MEGF8: variants seen among roughly 807,000 people sequenced by gnomAD.
MEGF8 encodes multiple EGF like domains 8.
Under a neutral mutation model 302.9 loss-of-function variants are expected in MEGF8, and 156 were observed. That is an observed-to-expected ratio of 0.52 (90% CI 0.45 to 0.59). MEGF8 has a LOEUF of 0.59. Among genes scored for constraint, MEGF8 ranks in the 20% least tolerant of loss-of-function variants. The pLI is 0.00. For synonymous variants in MEGF8, 1,621 were observed against 1,660.5 expected (o/e 0.98, Z 0.58); for missense variants, 3,345 against 3,964.5 (o/e 0.84, Z 4.20).
rs2039414125 is a variant in MEGF8 at position 42,353,936 on chromosome 19, C to T, written c.3923C>T (p.Ala1308Val). ...GLSYCVWVVS[A>V]TEELQPCAPG... ...TCCTACTGTGTGTGGGTTGTCTCGG[C>T]CACTGAGGAGCTACAGCCCTGTGCT... Residue 1308 changes from alanine (A) to valine (V), a missense_variant, in exon 22 of 42, where the codon GCC becomes GTC. Physicochemically the swap from Ala to Val is moderately conservative, Grantham distance 64. Transcript: ENST00000251268. The surrounding 1 kb of genome is among the most constrained non-coding windows in gnomAD (Gnocchi z 6.1). The T allele has an allele frequency of 1.3e-6, 2 of 1,586,494 alleles. No individual in the cohort carries two copies. The highest frequency in any genetic ancestry group is 2.7e-5 in the African/African-American group (2 of 74,226).
In MEGF8 at chr19:42,375,821, AC is replaced by A; in HGVS notation, c.7589del (p.Pro2530GlnfsTer45). ...TGVHTVHIQP[P>X]PAPPPPPPPA... ...GCGTCCATACTGTACACATCCAGCC[AC>A]CCCCAGCCCCACCACCTCCACCACC... is the stretch of plus-strand genomic sequence containing the variant. On this transcript the variant is annotated frameshift_variant, in exon 42 of 42. Transcript: ENST00000251268. LOFTEE classifies it high-confidence loss of function. The surrounding 1 kb of genome is among the most constrained non-coding windows in gnomAD (Gnocchi z 7.1). The A allele has an allele frequency of 6.2e-7, 1 of 1,610,752 alleles. No individual in the cohort carries two copies. The highest frequency in any genetic ancestry group is 8.5e-7 in the Non-Finnish European group (1 of 1,179,310).
At chr19:42,366,061 G>A (rs959359195) in intron 35 of MEGF8, among the ~76,000 whole-genome samples, 3 of 152,110 alleles carry the variant, frequency 2.0e-5, no homozygotes, top group African/African-American at 7.2e-5. Flanking sequence ...CAGCCTGGGT[G>A]ACAGAGTGAG....
chr19:42,374,875 C>T (rs992131469), intron 41 of MEGF8, among the ~76,000 whole-genome samples: 1 of 152,116 alleles, frequency 6.6e-6, no homozygotes, highest in Non-Finnish European at 1.5e-5. Flanking sequence ...CCAGGGAAGG[C>T]CTAGGTGAGA....
At chr19:42,365,728 C>T (rs1256040482) in intron 35 of MEGF8, among the ~76,000 whole-genome samples, 1 of 137,394 alleles carries the variant, frequency 7.3e-6, no homozygotes, top group Admixed American at 7.8e-5. Flanking sequence ...GCCATTATTA[C>T]AGCACTGCAC....
chr19:42,353,081 C>T lies in MEGF8; in HGVS notation c.3504C>T (p.His1168=). The T allele has an allele frequency of 6.5e-7, 1 of 1,549,386 alleles. No homozygotes were observed. Among genetic ancestry groups the T allele is most frequent in the African/African-American group, 1.4e-5 (1 of 73,132 alleles). The part of the protein sequence containing the change: ...RCSRDCGCSF[H]SHCRKRGPGF... ...CCCGGGACTGTGGCTGCAGCTTCCA[C>T]AGCCACTGCCGCAAGCGGGGCCCTG... The change falls in exon 20 of 42, where the codon CAC becomes CAT. Residue 1168 remains histidine (H), a synonymous_variant. Transcript: ENST00000251268. This position sits in a 1 kb window ranked among gnomAD's most constrained non-coding sequence, Gnocchi z 6.1.
chr19:42,338,236 T>G (rs1403490610), intron 8 of MEGF8, among the ~76,000 whole-genome samples: 3 of 148,780 alleles, frequency 2.0e-5, no homozygotes, highest in Non-Finnish European at 4.5e-5. Context: ...AACAGGTAGG[T>G]TTTTTTTTTG....
At position 42,344,519 on chromosome 19, in the gene MEGF8, G is replaced by A; in HGVS notation, c.1867G>A (p.Ala623Thr). The change falls in exon 11 of 42, where the codon GCC becomes ACC. Residue 623 changes from alanine (A) to threonine (T), a missense_variant. Transcript: ENST00000251268. The surrounding 1 kb of genome is among the most constrained non-coding windows in gnomAD (Gnocchi z 4.5). ...CTGCCTGGCCTTCAGCAGCCCCACA[G>A]CCCCTCCACGGGGACCTGGCACCCT... ...QACLAFSSPT[A>T]PPRGPGTLGW... The A allele has an allele frequency of 6.3e-7, 1 of 1,599,750 alleles. No individual in the cohort carries two copies. Among genetic ancestry groups the A allele is most frequent in the South Asian group, 1.1e-5 (1 of 90,966 alleles).
At chr19:42,339,539 C>T (rs1167701625) in intron 8 of MEGF8, among the ~76,000 whole-genome samples, 4 of 152,020 alleles carry the variant, frequency 2.6e-5, no homozygotes, top group African/African-American at 9.7e-5. Flanking sequence ...CTGTTCATGT[C>T]CTTTGTCTAC....
chr19:42,371,262 G>A, intron 40 of MEGF8, 88 bp from the exon 41 acceptor site: 1 of 1,514,160 alleles, frequency 6.6e-7, no homozygotes, highest in Non-Finnish European at 8.9e-7. Flanking sequence ...CTTCTGGCCT[G>A]TTGCACAGAG....
intron 12 of MEGF8, among the ~76,000 whole-genome samples, 199 bp downstream of exon 12, chr19:42,345,032 C>T (rs555603878): frequency 4.1e-4 from 62 of 152,162 alleles, no homozygotes; most frequent in African/African-American, 1.4e-3. Flanking sequence ...AGTGCAGTGG[C>T]GCAGTCTCAG....
In MEGF8 at chr19:42,356,085, C is replaced by T; in HGVS notation, c.4395C>T (p.Ser1465=). Residue 1465 remains serine, a splice_region_variant and synonymous_variant, in exon 25 of 42, where the codon AGC becomes AGT. Transcript: ENST00000251268. The surrounding 1 kb of genome is among the most constrained non-coding windows in gnomAD (Gnocchi z 5.2). Reference sequence around the variant, plus strand: ...CTGAGTCCCTTGTCATCCCCCAGAGCCTGGGTGTGTGCATCTGTGCCGAGG... The same window carrying T: ...CTGAGTCCCTTGTCATCCCCCAGAGTCTGGGTGTGTGCATCTGTGCCGAGG... ...AHTGAGTCNQ[S]LGVCICAEGF... 6.3e-7 allele frequency: 1 copy of T among 1,588,834 alleles called. No homozygotes were observed. Among genetic ancestry groups the T allele is most frequent in the South Asian group, 1.1e-5 (1 of 87,226 alleles).
chr19:42,351,167 A>G lies in MEGF8; in HGVS notation c.2737-49A>G. The G allele has an allele frequency of 6.6e-7, 1 of 1,504,964 alleles. No individual in the cohort carries two copies. Among genetic ancestry groups the G allele is most frequent in the Non-Finnish European group, 9.0e-7 (1 of 1,110,338 alleles). The allele number at this position is 1,504,964 out of a possible 1,614,324, so 93.2% of individuals were successfully genotyped here. A position where few individuals can be genotyped will look rare whatever the true frequency, so the allele number is the denominator to read the frequency against. On this transcript the variant is annotated intron_variant, in intron 15 of 41. Transcript: ENST00000251268. The surrounding 1 kb of genome is among the most constrained non-coding windows in gnomAD (Gnocchi z 5.6). Reference sequence around the variant, plus strand: ...GGTGGGATGGGCACTGGGAGTCCAAAGGAAAGGGCTGAGTGGGGTTCTGAC... The same window carrying G: ...GGTGGGATGGGCACTGGGAGTCCAAGGGAAAGGGCTGAGTGGGGTTCTGAC...
At position 42,352,074 on chromosome 19, in the gene MEGF8, T is replaced by G; in HGVS notation, c.3102-134T>G. The G allele has an allele frequency of 8.3e-7, 1 of 1,210,664 alleles. No individual in the cohort carries two copies. The highest frequency in any genetic ancestry group is 1.1e-6 in the Non-Finnish European group (1 of 890,386). 75.0% of individuals were successfully genotyped at this position (1,210,664 alleles called of 1,614,324 possible). A position where few individuals can be genotyped will look rare whatever the true frequency, so the allele number is the denominator to read the frequency against. ...GTTTTTGTCTGCGACTTCTCCTGGT[T>G]TCTCTGTCTCTCTTTCCAAATTTGT... On this transcript the variant is annotated intron_variant, in intron 18 of 41. Transcript: ENST00000251268. This position sits in a 1 kb window ranked among gnomAD's most constrained non-coding sequence, Gnocchi z 4.4.
rs1164419211 is a variant in MEGF8, at chr19:42,354,125, T to G, written c.4011+101T>G. On this transcript the variant is annotated intron_variant, in intron 22 of 41. Transcript: ENST00000251268. The surrounding 1 kb of genome is among the most constrained non-coding windows in gnomAD (Gnocchi z 4.3). ...CCTGACCCTAGTATTGCTGTTTTTT[T>G]TTTTTTGTTTTTTTAATCCTTCAAA... 8 of 1,391,512 alleles carry G rather than the reference T, an allele frequency of 5.7e-6. No homozygotes were observed. The highest frequency in any genetic ancestry group is 1.5e-5 in the South Asian group (1 of 66,350). 86.2% of individuals were successfully genotyped at this position (1,391,512 alleles called of 1,614,324 possible).
Position 42,353,434 on chromosome 19 carries a change from G to T in MEGF8, c.3551-31G>T, listed in dbSNP as rs1208767393. ...CTGGGCCTGTTTCCACCCTTGACTTGACTCTGTCCCACCTGCTGGGGCCTC... is the reference window on the plus strand; with the variant it reads ...CTGGGCCTGTTTCCACCCTTGACTTTACTCTGTCCCACCTGCTGGGGCCTC... On this transcript the variant is annotated intron_variant, in intron 20 of 41. Coordinates refer to ENST00000251268, the MANE Select transcript of MEGF8 (RefSeq NM_001271938.2). The surrounding 1 kb of genome is among the most constrained non-coding windows in gnomAD (Gnocchi z 6.1). 2.5e-6 allele frequency: 4 copies of T among 1,602,588 alleles called. No individual in the cohort carries two copies. Among genetic ancestry groups the T allele is most frequent in the South Asian group, 1.1e-5 (1 of 89,380 alleles).
rs762742289 is a variant in MEGF8 at position 42,351,489 on chromosome 19, C to T, written c.2916C>T (p.Thr972=). The T allele has an allele frequency of 4.4e-6, 7 of 1,605,362 alleles. No individual in the cohort carries two copies. Among genetic ancestry groups the T allele is most frequent in the South Asian group, 1.1e-5 (1 of 89,386 alleles). ...NSSQCAWCQS[T]HTCFLFAAYL... is the part of the protein sequence containing the mutation. ...GCCAGTGCGCCTGGTGCCAGTCCAC[C>T]CACACCTGCTTCCTGTTTGCTGCCT... Residue 972 remains threonine, a synonymous_variant, in exon 17 of 42, where the codon ACC becomes ACT. Transcript: ENST00000251268. This position sits in a 1 kb window ranked among gnomAD's most constrained non-coding sequence, Gnocchi z 5.6.
chr19:42,374,388 T>C (rs28675019), intron 41 of MEGF8, among the ~76,000 whole-genome samples: 4,113 of 151,262 alleles, frequency 0.027, 181 homozygotes, highest in African/African-American at 0.093. Flanking sequence ...GGAGAATCGC[T>C]TGAACCCGGG....
Position 42,358,506 on chromosome 19 carries a change from C to T in MEGF8, c.5175+199C>T, listed in dbSNP as rs980881561. ...GAACCCGAGGCCAGGAGGTCAGAGG[C>T]ATGAGTTCTGCCCAGCTCTCCCCTG... On this transcript the variant is annotated intron_variant, in intron 29 of 41. Transcript: ENST00000251268. The surrounding 1 kb of genome is among the most constrained non-coding windows in gnomAD (Gnocchi z 4.4). 1.3e-5 allele frequency among the ~76,000 whole-genome samples: 2 copies of T among 152,204 alleles called. No individual in the cohort carries two copies. Among genetic ancestry groups the T allele is most frequent in the African/African-American group, 4.8e-5 (2 of 41,442 alleles).
chr19:42,346,737 C>A (rs2039294066), intron 12 of MEGF8, among the ~76,000 whole-genome samples: 1 of 152,008 alleles, frequency 6.6e-6, no homozygotes, highest in Non-Finnish European at 1.5e-5. Context: ...GTAATCCCAG[C>A]ACTTTGTGAG....
Sources: gnomAD v4.1 joint callset for allele counts (sites outside exome capture counted in the v4.1 genomes callset) on GRCh38, gnomAD v4.1.1 for gene constraint, Gnocchi (gnomAD v3.1) non-coding constraint, MANE v1.5 for transcripts, NCBI Gene and HGNC (gene_info 2026-07-23, HGNC 2026-07-21) for gene names.